Variants in ANO10 observed in about 807,000 individuals in gnomAD.
ANO10 encodes anoctamin 10.
In ANO10, 77 loss-of-function variants were observed where a neutral mutation model predicts 74.7. That is an observed-to-expected ratio of 1.03 (90% CI 0.86 to 1.25). The LOEUF (loss-of-function observed/expected upper bound fraction) is 1.25. ANO10 is among the 50% of genes most tolerant of loss of function. The pLI, the probability that ANO10 is intolerant of heterozygous loss-of-function variation, is 0.00. For synonymous variants in ANO10, 279 were observed against 284.9 expected (o/e 0.98, Z 0.21); for missense variants, 721 against 778.1 (o/e 0.93, Z 0.87).
intron 5 of ANO10, 42 bp from the exon 6 acceptor site, chr3:43,577,303 A>T (rs766309613): frequency 1.9e-6 from 3 of 1,565,666 alleles, no homozygotes; most frequent in Non-Finnish European, 2.6e-6. Context: ...TAGACTACCA[A>T]ACACTTTAAA....
At chr3:43,383,224 C>T (rs531565615) in intron 12 of ANO10, among the ~76,000 whole-genome samples, 20 of 152,168 alleles carry the variant, frequency 1.3e-4, no homozygotes, top group African/African-American at 2.2e-4. Context: ...GAGGCCAAGG[C>T]GGGCAGATCA....
chr3:43,687,293 G>A (rs1349402383), intron 1 of ANO10, among the ~76,000 whole-genome samples: 1 of 152,194 alleles, frequency 6.6e-6, no homozygotes, highest in Non-Finnish European at 1.5e-5. Context: ...AAAGCAGCCA[G>A]GCCATTGAAG....
chr3:43,371,481 T>C (rs185264785), intron 12 of ANO10, among the ~76,000 whole-genome samples: 29 of 152,310 alleles, frequency 1.9e-4, no homozygotes, highest in African/African-American at 6.7e-4. Flanking sequence ...TCTGATTTAA[T>C]GCACCTAAGT....
chr3:43,630,003 A>G (rs2083530319), intron 1 of ANO10, among the ~76,000 whole-genome samples: 1 of 152,220 alleles, frequency 6.6e-6, no homozygotes, highest in South Asian at 2.1e-4. Flanking sequence ...ATTAACTCCA[A>G]TAGTAAGAAG....
chr3:43,551,799 T>C (rs186414256), intron 10 of ANO10, among the ~76,000 whole-genome samples: 3 of 152,352 alleles, frequency 2.0e-5, no homozygotes, highest in Non-Finnish European at 1.5e-5. Flanking sequence ...TTCTATTCTT[T>C]TACTTTAAAC....
chr3:43,452,884 A>G (rs772719604), intron 11 of ANO10, among the ~76,000 whole-genome samples: 1 of 152,218 alleles, frequency 6.6e-6, no homozygotes, highest in African/African-American at 2.4e-5. Context: ...GCTAATGAGT[A>G]TAAAGTATTA....
intron 11 of ANO10, among the ~76,000 whole-genome samples, chr3:43,546,095 C>G (rs1029767351): frequency 6.6e-6 from 1 of 152,134 alleles, no homozygotes; most frequent in Admixed American, 6.5e-5. Context: ...GAAACCAAAG[C>G]TAGGGCCCTC....
chr3:43,570,948 T>G (rs2080675489), intron 7 of ANO10, among the ~76,000 whole-genome samples: 1 of 144,658 alleles, frequency 6.9e-6, no homozygotes, highest in African/African-American at 2.7e-5. Flanking sequence ...GACAAAGGGC[T>G]AATATCCAGA....
At chr3:43,509,656 A>G (rs1446074269) in intron 11 of ANO10, among the ~76,000 whole-genome samples, 2 of 152,208 alleles carry the variant, frequency 1.3e-5, no homozygotes, top group Non-Finnish European at 2.9e-5. Context: ...TATAAAACTC[A>G]ACATGCAATT....
chr3:43,659,510 AC>A (rs2083897028), intron 1 of ANO10, among the ~76,000 whole-genome samples: 2 of 151,874 alleles, frequency 1.3e-5, no homozygotes, highest in African/African-American at 2.4e-5. Flanking sequence ...GGGGAGGGGC[AC>A]CCGCCATTGC....
At chr3:43,655,196 C>T (rs192410586) in intron 1 of ANO10, among the ~76,000 whole-genome samples, 9 of 152,248 alleles carry the variant, frequency 5.9e-5, no homozygotes, top group African/African-American at 2.2e-4. Context: ...AAAGTGTGTC[C>T]GGAATTGGTG....
intron 11 of ANO10, among the ~76,000 whole-genome samples, chr3:43,444,683 C>T (rs1172793778): frequency 6.6e-6 from 1 of 152,160 alleles, no homozygotes; most frequent in African/African-American, 2.4e-5. Context: ...AAGTGGGTGG[C>T]TCTACAACAG....
intron 12 of ANO10, among the ~76,000 whole-genome samples, chr3:43,406,612 T>C (rs2092581128): frequency 6.6e-6 from 1 of 152,188 alleles, no homozygotes; most frequent in African/African-American, 2.4e-5. Flanking sequence ...TGCCACCGAT[T>C]CATGACAAAG....
At chr3:43,575,642 C>CTT (rs869240600) in intron 6 of ANO10, among the ~76,000 whole-genome samples, 1 of 147,174 alleles carries the variant, frequency 6.8e-6, no homozygotes, top group Non-Finnish European at 1.5e-5. Flanking sequence ...TTTAAATCAT[C>CTT]TTTTTTTTTT....
chr3:43,638,178 T>C (rs902208412), intron 1 of ANO10, among the ~76,000 whole-genome samples: 7 of 152,240 alleles, frequency 4.6e-5, no homozygotes, highest in African/African-American at 9.6e-5. Flanking sequence ...AACCAGGCTA[T>C]AAACTGCTCA....
chr3:43,529,300 G>A (rs951627784), intron 11 of ANO10, among the ~76,000 whole-genome samples: 4 of 152,200 alleles, frequency 2.6e-5, no homozygotes, highest in Non-Finnish European at 5.9e-5. Flanking sequence ...TGTCCTTCAA[G>A]TATACATGTT....
chr3:43,535,147 T>C (rs2078652293), intron 11 of ANO10, among the ~76,000 whole-genome samples: 1 of 151,974 alleles, frequency 6.6e-6, no homozygotes, highest in Non-Finnish European at 1.5e-5. Context: ...CTAATTTTTG[T>C]ATTTTTAGTA....
chr3:43,375,491 G>C (rs2091770019), intron 12 of ANO10, among the ~76,000 whole-genome samples: 1 of 152,030 alleles, frequency 6.6e-6, no homozygotes. Context: ...AGAAGTCCTT[G>C]ATGATTTTTT....
chr3:43,403,761 C>T (rs764199441), intron 12 of ANO10, among the ~76,000 whole-genome samples: 20 of 152,192 alleles, frequency 1.3e-4, no homozygotes, highest in Non-Finnish European at 2.4e-4. Context: ...AAATATCACC[C>T]GATTCCTACT....
Sources: allele counts gnomAD v4.1 joint callset (sites outside exome capture counted in the v4.1 genomes callset), GRCh38; gene constraint gnomAD v4.1.1; transcripts MANE v1.5; gene names NCBI Gene and HGNC (gene_info 2026-07-23, HGNC 2026-07-21).